The following SIK3 variants were observed in gnomAD, a reference collection of about 807,000 sequenced individuals.
SIK3 encodes SIK family kinase 3, also known as serine/threonine-protein kinase SIK3.
A neutral mutation model predicts 144.2 loss-of-function variants in SIK3; 28 were observed. The observed-to-expected ratio is 0.19, with a 90% CI of 0.14 to 0.27. The LOEUF (loss-of-function observed/expected upper bound fraction) is 0.27, where lower values mean the gene tolerates loss of function less well. Among genes scored for constraint, SIK3 ranks in the 10% least tolerant of loss-of-function variants. The pLI, the probability that SIK3 is intolerant of heterozygous loss-of-function variation, is 1.00. For synonymous variants in SIK3, 686 were observed against 676.3 expected, an observed-to-expected ratio of 1.01 and a Z score of -0.22; for missense variants, 1,319 against 1,776.0, an observed-to-expected ratio of 0.74 and a Z score of 4.62.
At chr11:116,982,155 C>T (rs900711354) in intron 1 of SIK3, among the ~76,000 whole-genome samples, 8 of 152,206 alleles carry the variant, frequency 5.3e-5, no homozygotes, top group Non-Finnish European at 7.3e-5. Flanking sequence ...CCAGTTCCAT[C>T]TGGGACAGTC....
intron 1 of SIK3, among the ~76,000 whole-genome samples, chr11:116,990,184 C>A (rs1950453569): frequency 6.6e-6 from 1 of 152,174 alleles, no homozygotes; most frequent in Admixed American, 6.5e-5. Context: ...CATGTACTTA[C>A]CAATACCAAT....
At chr11:116,960,976 T>C (rs193033215) in intron 1 of SIK3, among the ~76,000 whole-genome samples, 12 of 152,228 alleles carry the variant, frequency 7.9e-5, no homozygotes, top group Admixed American at 2.6e-4. Flanking sequence ...AGAAGCAAAA[T>C]AGCTAACAAT....
At chr11:116,887,581 C>T (rs1281688616) in intron 6 of SIK3, among the ~76,000 whole-genome samples, 1 of 150,052 alleles carries the variant, frequency 6.7e-6, no homozygotes, top group Non-Finnish European at 1.5e-5. Flanking sequence ...CGCACCACTG[C>T]ACTCCAGCCT....
chr11:117,011,202 A>C (rs1350947987), intron 1 of SIK3, among the ~76,000 whole-genome samples: 2 of 152,206 alleles, frequency 1.3e-5, no homozygotes, highest in African/African-American at 2.4e-5. Flanking sequence ...TGAAATCTGC[A>C]ATCTCCACAC....
chr11:117,029,379 C>T (rs980955019), intron 1 of SIK3, among the ~76,000 whole-genome samples: 1 of 152,086 alleles, frequency 6.6e-6, no homozygotes, highest in African/African-American at 2.4e-5. Flanking sequence ...ATGAATTGAA[C>T]CCAGGAGGCA....
At chr11:116,868,811 G>A (rs1943795270) in intron 14 of SIK3, 1 of 152,220 alleles carries the variant, frequency 6.6e-6, no homozygotes, top group Admixed American at 6.5e-5. Flanking sequence ...CAAACTGATG[G>A]CTTTTATTCG....
intron 1 of SIK3, among the ~76,000 whole-genome samples, chr11:117,050,203 C>T (rs147639738): frequency 0.017 from 2,628 of 151,366 alleles, 75 homozygotes; most frequent in African/African-American, 0.06. Context: ...GCAGGAGAAT[C>T]GCTTGAACCT....
At chr11:117,013,491 A>G (rs1430369365) in intron 1 of SIK3, among the ~76,000 whole-genome samples, 1 of 152,184 alleles carries the variant, frequency 6.6e-6, no homozygotes. Context: ...AAAAACATAA[A>G]AAAACTTTGT....
chr11:116,922,900 CTTT>C lies in SIK3; in HGVS notation c.616+4316_616+4318del, dbSNP rs1565455957. Among the ~76,000 whole-genome samples, 15 of 123,136 alleles carry C rather than the reference CTTT, an allele frequency of 1.2e-4. No individual in the cohort carries two copies. In the East Asian group the frequency reaches 3.6e-3, roughly 30 times the overall value. The allele number at this position is 123,136 out of a possible 152,430, so 80.8% of individuals were successfully genotyped here. ...CTGCTTACGACTAATTTCTCCTTTT[CTTT>C]TCTCTTTTTTTTTTTTTTTTTTTTT... On this transcript the variant is annotated intron_variant, in intron 4 of 24. Coordinates refer to ENST00000445177, the MANE Select transcript of SIK3 (RefSeq NM_001366686.3).
At chr11:116,988,878 T>C (rs1338801567) in intron 1 of SIK3, among the ~76,000 whole-genome samples, 1 of 151,194 alleles carries the variant, frequency 6.6e-6, no homozygotes, top group Non-Finnish European at 1.5e-5. Flanking sequence ...AAAACTTCAC[T>C]GAAAAATCTA....
Position 116,876,945 on chromosome 11 carries a change from G to A in SIK3, c.963C>T (p.Asp321=), listed in dbSNP as rs770710049. The change falls in exon 7 of 25, where the codon GAC becomes GAT. Residue 321 remains aspartate, a synonymous_variant. Transcript: ENST00000445177. ...TCACCCTGTCAAAGTTGGGATCGGC[G>A]TCCCCTAGCTTCATCCACTTGTGCT... ...ICKHKWMKLG[D]ADPNFDRLIA... 16 of 1,613,990 alleles carry A rather than the reference G, an allele frequency of 9.9e-6. No individual in the cohort carries two copies. Among genetic ancestry groups the A allele is most frequent in the Admixed American group, 1.7e-5 (1 of 60,002 alleles).
chr11:116,854,520 A>G (rs541959254), intron 21 of SIK3, among the ~76,000 whole-genome samples: 1 of 152,342 alleles, frequency 6.6e-6, no homozygotes, highest in African/African-American at 2.4e-5. Context: ...TACATCCCCT[A>G]GTAGAGTAGA....
At chr11:117,042,609 C>A (rs892609622) in intron 1 of SIK3, among the ~76,000 whole-genome samples, 5 of 152,152 alleles carry the variant, frequency 3.3e-5, no homozygotes, top group Non-Finnish European at 7.4e-5. Context: ...ACACTGACTA[C>A]CCGAATGTTT....
chr11:116,981,710 C>A (rs944278680), intron 1 of SIK3, among the ~76,000 whole-genome samples: 1 of 152,140 alleles, frequency 6.6e-6, no homozygotes, highest in African/African-American at 2.4e-5. Flanking sequence ...GTCTTTAAGG[C>A]CTGACTAGAA....
intron 1 of SIK3, among the ~76,000 whole-genome samples, chr11:116,994,696 C>A (rs988172992): frequency 6.6e-5 from 10 of 152,208 alleles, no homozygotes; most frequent in Admixed American, 2.6e-4. Context: ...GCGACAAACA[C>A]TCCTGTTACA....
intron 3 of SIK3, among the ~76,000 whole-genome samples, chr11:116,934,596 T>C (rs867316853): frequency 2.0e-5 from 3 of 152,344 alleles, no homozygotes; most frequent in Middle Eastern, 3.4e-3. Context: ...TGCTTTAGTT[T>C]TGAAAATGTG....
intron 7 of SIK3, among the ~76,000 whole-genome samples, chr11:116,876,704 C>T (rs551071642): frequency 8.5e-5 from 13 of 152,322 alleles, no homozygotes; most frequent in African/African-American, 2.2e-4. Context: ...CAAAAACAGA[C>T]GATAATTTGG....
intron 21 of SIK3, among the ~76,000 whole-genome samples, chr11:116,851,901 C>T (rs1942482331): frequency 6.6e-6 from 1 of 152,224 alleles, no homozygotes; most frequent in Admixed American, 6.5e-5. Flanking sequence ...GCAATGCGAG[C>T]AGCCGCTTCT....
rs189565446 is a variant in SIK3 at position 116,995,188 on chromosome 11, A to G, written c.274-38124T>C. On this transcript the variant is annotated intron_variant, in intron 1 of 24. Coordinates refer to ENST00000445177, the MANE Select transcript of SIK3 (RefSeq NM_001366686.3). Reference sequence around the variant, plus strand: ...AGGCTGAGGCAGGAGAATCGCTTGAACCCAGGAGGTGGAGGTTGCAGTGAG... The same window carrying G: ...AGGCTGAGGCAGGAGAATCGCTTGAGCCCAGGAGGTGGAGGTTGCAGTGAG... Among the ~76,000 whole-genome samples the G allele has an allele frequency of 5.3e-3, 786 of 148,412 alleles. 11 individuals are homozygous for G. Among genetic ancestry groups the G allele is most frequent in the Middle Eastern group, 0.029 (8 of 280 alleles).
Sources: allele counts gnomAD v4.1 joint callset (sites outside exome capture counted in the v4.1 genomes callset), GRCh38; gene constraint gnomAD v4.1.1; transcripts MANE v1.5; gene names NCBI Gene and HGNC (gene_info 2026-07-23, HGNC 2026-07-21).